PLPPR1: variants seen among roughly 807,000 people sequenced by gnomAD.
PLPPR1 encodes the protein phospholipid phosphatase-related protein type 1.
A neutral mutation model predicts 33.1 loss-of-function variants in PLPPR1; 10 were observed. The observed-to-expected ratio is 0.30, with a 90% CI of 0.19 to 0.51. The LOEUF (loss-of-function observed/expected upper bound fraction) is 0.51, where lower values mean the gene tolerates loss of function less well. Among genes scored for constraint, PLPPR1 ranks in the 20% least tolerant of loss-of-function variants. PLPPR1 has a pLI of 0.97. For missense variants in PLPPR1, 304 were observed against 408.1 expected, an observed-to-expected ratio of 0.74 and a Z score of 2.20; for synonymous variants, 151 against 151.0, an observed-to-expected ratio of 1.00 and a Z score of 0.00.
intron 1 of PLPPR1, among the ~76,000 whole-genome samples, chr9:101,130,744 T>G (rs1486722248): frequency 2.0e-5 from 3 of 152,186 alleles, no homozygotes; most frequent in African/African-American, 7.2e-5. Context: ...CTAAGCTGAG[T>G]TGGCAACATA....
intron 2 of PLPPR1, among the ~76,000 whole-genome samples, chr9:101,242,602 A>C (rs898873806): frequency 9.2e-5 from 14 of 152,054 alleles, no homozygotes; most frequent in African/African-American, 3.1e-4. Flanking sequence ...TAAGAGCAGC[A>C]TCATACCAAG....
chr9:101,304,211 A>C (rs1828807233), intron 4 of PLPPR1, among the ~76,000 whole-genome samples: 1 of 152,254 alleles, frequency 6.6e-6, no homozygotes, highest in Non-Finnish European at 1.5e-5. Flanking sequence ...TGATCCCTGC[A>C]ACATACATGC....
Position 101,324,232 on chromosome 9 carries a change from T to TG in PLPPR1, c.*175_*176insG. ...TGATGTAGCTTGCCCTGATTTTTTT[T>TG]TTTTTTTTTTGGTCAGCTTTAATAT... On this transcript the variant is annotated 3_prime_UTR_variant, in exon 8 of 8. Coordinates refer to ENST00000374874, the MANE Select transcript of PLPPR1 (RefSeq NM_207299.2). The TG allele has an allele frequency of 2.1e-6, 1 of 484,126 alleles. No individual in the cohort carries two copies. Among genetic ancestry groups the TG allele is most frequent in the Non-Finnish European group, 3.5e-6 (1 of 282,170 alleles). The allele number at this position is 484,126 out of a possible 1,614,324, so 30.0% of individuals were successfully genotyped here. A position where few individuals can be genotyped will look rare whatever the true frequency, so the allele number is the denominator to read the frequency against.
intron 1 of PLPPR1, among the ~76,000 whole-genome samples, chr9:101,102,331 T>G (rs1170682518): frequency 3.0e-5 from 3 of 101,208 alleles, no homozygotes; most frequent in East Asian, 6.4e-4. Flanking sequence ...GAGTGTGATA[T>G]TCCCCTTCCT....
At chr9:101,117,970 A>C (rs1831135449) in intron 1 of PLPPR1, among the ~76,000 whole-genome samples, 2 of 152,244 alleles carry the variant, frequency 1.3e-5, no homozygotes, top group African/African-American at 4.8e-5. Flanking sequence ...GCTTTGTTGG[A>C]CACTGTCAGT....
Position 101,317,371 on chromosome 9 carries a change from T to C in PLPPR1, c.820T>C (p.Cys274Arg). Residue 274 changes from cysteine (C) to arginine (R), a missense_variant, in exon 7 of 8, where the codon TGT (cysteine) becomes CGT (arginine). Physicochemically the swap from Cys to Arg is radical, Grantham distance 180 (BLOSUM62 -3). Transcript: ENST00000374874. The part of the protein sequence containing the change: ...GTAVALFLGM[C>R]VVHNFKGTQG... The stretch of plus-strand genomic sequence containing the variant: ...TTTCCCCCTCATCCTGCAGGGAATG[T>C]GTGTGGTTCATAACTTTAAAGGAAC... The C allele has an allele frequency of 6.2e-7, 1 of 1,613,678 alleles. No homozygotes were observed. The highest frequency in any genetic ancestry group is 8.5e-7 in the Non-Finnish European group (1 of 1,179,822).
chr9:101,145,201 A>G (rs1831505248), intron 1 of PLPPR1, among the ~76,000 whole-genome samples: 1 of 152,192 alleles, frequency 6.6e-6, no homozygotes, highest in Non-Finnish European at 1.5e-5. Context: ...GCTATTGCAC[A>G]TCATGGGGAC....
intron 1 of PLPPR1, among the ~76,000 whole-genome samples, chr9:101,120,141 G>A (rs1831160661): frequency 6.6e-6 from 1 of 152,164 alleles, no homozygotes; most frequent in Admixed American, 6.5e-5. Flanking sequence ...AAATATATTT[G>A]CACATGTAAT....
chr9:101,111,931 C>G (rs1252211041), intron 1 of PLPPR1, among the ~76,000 whole-genome samples: 6 of 152,098 alleles, frequency 3.9e-5, no homozygotes, highest in Non-Finnish European at 7.4e-5. Flanking sequence ...CGCTCAAATA[C>G]CAATGTTTTT....
At chr9:101,234,580 G>T (rs370226227) in intron 2 of PLPPR1, among the ~76,000 whole-genome samples, 1 of 151,356 alleles carries the variant, frequency 6.6e-6, no homozygotes, top group African/African-American at 2.4e-5. Flanking sequence ...ATTCTATACC[G>T]TAATGCTATA....
intron 1 of PLPPR1, among the ~76,000 whole-genome samples, chr9:101,078,423 TCTC>T (rs1187909487): frequency 6.6e-6 from 1 of 152,078 alleles, no homozygotes; most frequent in Non-Finnish European, 1.5e-5. Context: ...TCCTTCCTGA[TCTC>T]CTTGAGAATC....
At chr9:101,248,456 G>A (rs1257337457) in intron 2 of PLPPR1, among the ~76,000 whole-genome samples, 1 of 152,062 alleles carries the variant, frequency 6.6e-6, no homozygotes, top group Non-Finnish European at 1.5e-5. Flanking sequence ...TAGTTAGAGT[G>A]CCAAATGATA....
chr9:101,220,443 T>G (rs943254469), intron 2 of PLPPR1, among the ~76,000 whole-genome samples: 1 of 152,210 alleles, frequency 6.6e-6, no homozygotes, highest in Admixed American at 6.5e-5. Context: ...AAAACTGTTT[T>G]CAAACTGACT....
At chr9:101,256,930 C>G (rs1260742702) in intron 2 of PLPPR1, among the ~76,000 whole-genome samples, 2 of 152,088 alleles carry the variant, frequency 1.3e-5, no homozygotes, top group African/African-American at 4.8e-5. Flanking sequence ...GACAAATAAA[C>G]AGTCATACTT....
At chr9:101,318,806 C>T (rs1237299636) in intron 7 of PLPPR1, among the ~76,000 whole-genome samples, 2 of 151,692 alleles carry the variant, frequency 1.3e-5, no homozygotes, top group African/African-American at 4.8e-5. Flanking sequence ...ACAAAAAAAA[C>T]ACTGAAGACA....
intron 1 of PLPPR1, chr9:101,125,839 C>T (rs1383597901): frequency 1.8e-5 from 11 of 595,406 alleles, no homozygotes; most frequent in East Asian, 1.3e-4. Flanking sequence ...TGTTTTCCAC[C>T]AATGTAGTAG....
intron 2 of PLPPR1, among the ~76,000 whole-genome samples, chr9:101,203,994 T>G (rs1343073944): frequency 6.6e-6 from 1 of 152,184 alleles, no homozygotes; most frequent in African/African-American, 2.4e-5. Context: ...AAGATAAATA[T>G]CAGTGGAAAC....
chr9:101,157,073 A>G (rs549747474), intron 1 of PLPPR1, among the ~76,000 whole-genome samples: 4 of 152,346 alleles, frequency 2.6e-5, no homozygotes, highest in East Asian at 1.9e-4. Context: ...TTATTATACC[A>G]TGTGAAGGAG....
intron 4 of PLPPR1, among the ~76,000 whole-genome samples, chr9:101,292,814 T>A (rs527525470): frequency 2.9e-4 from 44 of 151,626 alleles, no homozygotes; most frequent in Non-Finnish European, 5.4e-4. Flanking sequence ...GCACTAAACA[T>A]GGAAAGGAAC....
Sources: gnomAD v4.1 joint callset for allele counts (sites outside exome capture counted in the v4.1 genomes callset) on GRCh38, gnomAD v4.1.1 for gene constraint, MANE v1.5 for transcripts, NCBI Gene and HGNC (gene_info 2026-07-23, HGNC 2026-07-21) for gene names.